The following TF variants were observed in gnomAD, a reference collection of about 807,000 sequenced individuals.
TF encodes the protein transferrin.
A neutral mutation model predicts 82.4 loss-of-function variants in TF; 55 were observed. The ratio of observed to expected loss-of-function variants is 0.67; its 90% CI spans 0.54 to 0.84. TF has a LOEUF of 0.84. TF is among the 40% of genes least tolerant of loss of function. The pLI is 0.00. For synonymous variants in TF, 332 were observed against 332.6 expected (o/e 1.00, Z 0.02); for missense variants, 737 against 868.4 (o/e 0.85, Z 1.90).
the TF span, among the ~76,000 whole-genome samples, chr3:133,697,172 G>A: frequency 6.6e-6 from 1 of 151,748 alleles, no homozygotes; most frequent in Non-Finnish European, 1.5e-5. Flanking sequence ...ACTCATTATT[G>A]CACTGGTTTG....
At position 133,788,532 on chromosome 3, in the gene TF, C is replaced by T. The variant is rs1934745782; in HGVS notation, c.*9912C>T. On this transcript the variant is annotated 3_prime_UTR_variant, in exon 17 of 17. Transcript: ENST00000402696. ...AATTCTTGGTTCAATATGCCCAGAA[C>T]CTGGACACCCTCCACTGGTAACATA... 1 of 152,246 alleles carries T rather than the reference C, an allele frequency of 6.6e-6. No individual in the cohort carries two copies. Among genetic ancestry groups the T allele is most frequent in the Non-Finnish European group, 1.5e-5 (1 of 68,064 alleles). The allele number at this position is 152,246 out of a possible 1,614,324, so 9.4% of individuals were successfully genotyped here.
chr3:133,753,530 G>A, intron 2 of TF, 65 bp from the exon 3 acceptor site: 1 of 1,419,702 alleles, frequency 7.0e-7, no homozygotes, highest in Non-Finnish European at 1.0e-6. Flanking sequence ...CTCTACTTGT[G>A]TGGGTTGAGG....
the TF span, among the ~76,000 whole-genome samples, chr3:133,693,639 T>C: frequency 6.6e-6 from 1 of 152,182 alleles, no homozygotes; most frequent in Non-Finnish European, 1.5e-5. Flanking sequence ...TCTGGGCAGC[T>C]GTGCAGTGGC....
intron 2 of TF, among the ~76,000 whole-genome samples, chr3:133,751,756 C>T (rs1192045021): frequency 2.0e-5 from 3 of 152,052 alleles, no homozygotes; most frequent in African/African-American, 7.2e-5. Flanking sequence ...CTTTGGGAGG[C>T]CGAGGCGGGT....
At chr3:133,700,409 G>A in the TF span, among the ~76,000 whole-genome samples, 200 of 152,338 alleles carry the variant, frequency 1.3e-3, 2 homozygotes, top group Middle Eastern at 3.4e-3. Context: ...GGTTTTTGGA[G>A]GCCAGAAAGG....
rs1024688202 is a variant in TF, at chr3:133,787,470, C to G, written c.*8850C>G. On this transcript the variant is annotated 3_prime_UTR_variant, in exon 17 of 17. Transcript: ENST00000402696. ...ATTTTATTTTACAGTGCTATGTACA[C>G]AGTGGAAAGTTATATGAAATATCTG... 1 of 152,148 alleles carries G rather than the reference C, an allele frequency of 6.6e-6. No homozygotes were observed. The allele number at this position is 152,148 out of a possible 1,614,324, so 9.4% of individuals were successfully genotyped here. A position where few individuals can be genotyped will look rare whatever the true frequency, so the allele number is the denominator to read the frequency against.
chr3:133,757,720 C>A, intron 7 of TF, 49 bp from the exon 8 acceptor site: 1 of 1,544,818 alleles, frequency 6.5e-7, no homozygotes, highest in Non-Finnish European at 8.9e-7. Context: ...CATTTCTCAG[C>A]CTCCTTTCTT....
the TF span, among the ~76,000 whole-genome samples, chr3:133,720,466 A>C: frequency 3.3e-5 from 5 of 152,158 alleles, no homozygotes; most frequent in African/African-American, 1.2e-4. Flanking sequence ...ATAGTGAATG[A>C]TCTTTTTAAT....
At chr3:133,724,176 C>T in the TF span, among the ~76,000 whole-genome samples, 4 of 152,102 alleles carry the variant, frequency 2.6e-5, no homozygotes, top group Non-Finnish European at 5.9e-5. Flanking sequence ...TACCCAGTAA[C>T]AGGATGGCTG....
the TF span, among the ~76,000 whole-genome samples, chr3:133,735,818 A>C: frequency 6.6e-6 from 1 of 152,238 alleles, no homozygotes; most frequent in African/African-American, 2.4e-5. Flanking sequence ...AAAAGACCAA[A>C]CCTACATTTG....
chr3:133,779,642 C>T lies in TF; in HGVS notation c.*1022C>T, dbSNP rs573425491. The T allele has an allele frequency of 2.6e-4, 39 of 152,610 alleles. No individual in the cohort carries two copies. Among genetic ancestry groups the T allele is most frequent in the African/African-American group, 8.7e-4 (36 of 41,556 alleles). 9.5% of individuals were successfully genotyped at this position (152,610 alleles called of 1,614,324 possible). The stretch of plus-strand genomic sequence containing the variant: ...GTTTTCTCTTGATCTGGTCAGTGCT[C>T]CTCTCACTTTGCAGGCCCTCCTTCA... On this transcript the variant is annotated 3_prime_UTR_variant, in exon 17 of 17. Coordinates refer to ENST00000402696, the MANE Select transcript of TF (RefSeq NM_001063.4).
At chr3:133,714,885 G>A in the TF span, among the ~76,000 whole-genome samples, 1 of 152,078 alleles carries the variant, frequency 6.6e-6, no homozygotes, top group South Asian at 2.1e-4. Flanking sequence ...GTTTCACCAT[G>A]TTGGCCAGGC....
At chr3:133,776,173 T>C (rs1115219) in intron 15 of TF, among the ~76,000 whole-genome samples, 34,421 of 152,192 alleles carry the variant, frequency 0.23, 4,138 homozygotes, top group Middle Eastern at 0.27. Context: ...AGACAGCTCC[T>C]GTTTCCCAGC....
At chr3:133,731,724 G>A in the TF span, among the ~76,000 whole-genome samples, 1 of 152,176 alleles carries the variant, frequency 6.6e-6, no homozygotes, top group Non-Finnish European at 1.5e-5. Flanking sequence ...TCTTCAGAAT[G>A]ACAAGGTAGA....
chr3:133,790,666 CT>C lies in TF; in HGVS notation c.*12051del, dbSNP rs1454905506. The C allele has an allele frequency of 6.6e-6, 1 of 152,154 alleles. No homozygotes were observed. The highest frequency in any genetic ancestry group is 1.5e-5 in the Non-Finnish European group (1 of 68,036). The allele number at this position is 152,154 out of a possible 1,614,324, so 9.4% of individuals were successfully genotyped here. On this transcript the variant is annotated 3_prime_UTR_variant, in exon 17 of 17. Coordinates refer to ENST00000402696, the MANE Select transcript of TF (RefSeq NM_001063.4). ...AAATGCATCGGCAGTTTGGCAATTC[CT>C]TTTTACTATAGTTAAGCATGAAGCC... is the stretch of plus-strand genomic sequence containing the variant.
At chr3:133,766,468 C>A in intron 12 of TF, 35 bp downstream of exon 12, 1 of 1,613,630 alleles carries the variant, frequency 6.2e-7, no homozygotes, top group Non-Finnish European at 8.5e-7. Context: ...CTGGTGAGGG[C>A]CATGCCAGAA....
the TF span, among the ~76,000 whole-genome samples, chr3:133,684,364 G>A: frequency 5.9e-5 from 9 of 152,296 alleles, no homozygotes; most frequent in Admixed American, 5.9e-4. Flanking sequence ...GAGCAGAACT[G>A]AAGGAGATAG....
At chr3:133,745,258 T>G (rs8177313), upstream of TF, among the ~76,000 whole-genome samples, 7,273 of 152,326 alleles carry the variant, frequency 0.048, 205 homozygotes, top group South Asian at 0.13. Flanking sequence ...ACAGAATGAA[T>G]GACCATCTGG....
In TF at chr3:133,778,991, A is replaced by T. The variant is rs1482835676; in HGVS notation, c.*371A>T. 1.0e-5 allele frequency: 3 copies of T among 295,588 alleles called. No homozygotes were observed. The highest frequency in any genetic ancestry group is 2.0e-5 in the Non-Finnish European group (3 of 152,838). The allele number at this position is 295,588 out of a possible 1,614,324, so 18.3% of individuals were successfully genotyped here. ...CTAAAAGGGTCTGCGTGATCATTAAAATATAATCAAATGTATACTGGTGTG... is the reference window on the plus strand; with the variant it reads ...CTAAAAGGGTCTGCGTGATCATTAATATATAATCAAATGTATACTGGTGTG... On this transcript the variant is annotated 3_prime_UTR_variant, in exon 17 of 17. Transcript: ENST00000402696.
Sources: gnomAD v4.1 joint callset for allele counts (sites outside exome capture counted in the v4.1 genomes callset) on GRCh38, gnomAD v4.1.1 for gene constraint, MANE v1.5 for transcripts, NCBI Gene and HGNC (gene_info 2026-07-23, HGNC 2026-07-21) for gene names.